SLC9A4: variants seen among roughly 807,000 people sequenced by gnomAD.
SLC9A4 encodes the protein solute carrier family 9 member A4, also known as sodium/hydrogen exchanger 4.
Under a neutral mutation model 67.4 loss-of-function variants are expected in SLC9A4, and 63 were observed. The ratio of observed to expected loss-of-function variants is 0.93; its 90% CI spans 0.76 to 1.15. The LOEUF is 1.15. SLC9A4 is among the 50% of genes most tolerant of loss of function. The pLI is 0.00. For synonymous variants in SLC9A4, 393 were observed against 367.2 expected (o/e 1.07, Z -0.80); for missense variants, 1,089 against 987.7 (o/e 1.10, Z -1.38).
At position 102,526,292 on chromosome 2, in the gene SLC9A4, C is replaced by T. The variant is rs1442266679; in HGVS notation, c.1984C>T (p.Pro662Ser). 5 of 1,613,916 alleles carry T rather than the reference C, an allele frequency of 3.1e-6. No homozygotes were observed. The highest frequency in any genetic ancestry group is 4.2e-6 in the Non-Finnish European group (5 of 1,179,866). ...CAAGAATATCCGCTACCTCTCCTAC[C>T]CCTACGGGAATCCTCAGTCTGCAGG... ...GTKNIRYLSY[P>S]YGNPQSAGRD... Residue 662 changes from proline (P) to serine (S), a missense_variant, in exon 11 of 12, where the codon CCC (proline) becomes TCC (serine). Pro to Ser is a moderately conservative substitution (Grantham distance 74). Coordinates refer to ENST00000295269, the MANE Select transcript of SLC9A4 (RefSeq NM_001011552.4).
chr2:102,530,027 A>G (rs943256016), intron 11 of SLC9A4, among the ~76,000 whole-genome samples: 1 of 152,256 alleles, frequency 6.6e-6, no homozygotes, highest in African/African-American at 2.4e-5. Context: ...GACAATGTGA[A>G]TGCACTTCAT....
chr2:102,475,399 C>CT (rs1558657200), intron 1 of SLC9A4, among the ~76,000 whole-genome samples: 2 of 152,172 alleles, frequency 1.3e-5, no homozygotes, highest in African/African-American at 4.8e-5. Flanking sequence ...ATCTGAGTAC[C>CT]AGGAAACTCG....
Position 102,505,609 on chromosome 2 carries a change from G to C in SLC9A4, c.1198+138G>C. Reference sequence around the variant, plus strand: ...GTTAGGGTAGACTAGGAACCTGGTCGTGAGCAGGAATCTTTTCTGTTTGTT... The same window carrying C: ...GTTAGGGTAGACTAGGAACCTGGTCCTGAGCAGGAATCTTTTCTGTTTGTT... On this transcript the variant is annotated intron_variant, in intron 4 of 11. Transcript: ENST00000295269. 6 of 748,532 alleles carry C rather than the reference G, an allele frequency of 8.0e-6. 1 individual carries two copies. The highest frequency in any genetic ancestry group is 1.1e-5 in the Non-Finnish European group (5 of 472,878). 46.4% of individuals were successfully genotyped at this position (748,532 alleles called of 1,614,324 possible).
intron 10 of SLC9A4, 94 bp from the exon 11 acceptor site, chr2:102,526,165 G>C: frequency 7.5e-7 from 1 of 1,329,618 alleles, no homozygotes; most frequent in Non-Finnish European, 1.1e-6. Flanking sequence ...TGGGATTACA[G>C]GCGTGAGCCA....
At chr2:102,509,719 C>A (rs1685120744) in intron 6 of SLC9A4, among the ~76,000 whole-genome samples, 1 of 152,232 alleles carries the variant, frequency 6.6e-6, no homozygotes, top group Non-Finnish European at 1.5e-5. Flanking sequence ...TGGGTATAAT[C>A]TATTCTGAGG....
chr2:102,504,121 C>T (rs1397862962), intron 3 of SLC9A4, among the ~76,000 whole-genome samples: 4 of 152,206 alleles, frequency 2.6e-5, no homozygotes, highest in Admixed American at 1.3e-4. Flanking sequence ...GGCACGATCT[C>T]GGCTCACTGC....
Position 102,519,893 on chromosome 2 carries a change from C to T in SLC9A4, c.1756C>T (p.Pro586Ser). 6.2e-7 allele frequency: 1 copy of T among 1,613,724 alleles called. No homozygotes were observed. The highest frequency in any genetic ancestry group is 8.5e-7 in the Non-Finnish European group (1 of 1,179,748). Reference sequence around the variant, plus strand: ...GATACAAGGAATCAAAAGACTTTCCCCTGAAGATGTGGAGTCCATAAGGGA... The same window carrying T: ...GATACAAGGAATCAAAAGACTTTCCTCTGAAGATGTGGAGTCCATAAGGGA... ...QRIQGIKRLS[P>S]EDVESIRDIL... The change falls in exon 9 of 12, where the codon CCT (proline) becomes TCT (serine). Residue 586 changes from proline to serine, a missense_variant. Transcript: ENST00000295269.
Position 102,503,698 on chromosome 2 carries a change from G to A in SLC9A4, c.971G>A (p.Gly324Asp), listed in dbSNP as rs1444083829. ...GCTGCTGAAACCCTCTATCTCTCCG[G>A]CATCCTGGCGTGAGTACAAACCAAG... ...YLAAETLYLS[G>D]ILAITACAVT... The change falls in exon 3 of 12, where the codon GGC (glycine) becomes GAC (aspartate). Residue 324 changes from glycine (G) to aspartate (D), a missense_variant. Coordinates refer to ENST00000295269, the MANE Select transcript of SLC9A4 (RefSeq NM_001011552.4). 15 of 1,613,826 alleles carry A rather than the reference G, an allele frequency of 9.3e-6. No individual in the cohort carries two copies. Among genetic ancestry groups the A allele is most frequent in the African/African-American group, 2.7e-5 (2 of 74,856 alleles).
At chr2:102,488,631 C>T (rs1420575343) in intron 2 of SLC9A4, among the ~76,000 whole-genome samples, 9 of 150,618 alleles carry the variant, frequency 6.0e-5, no homozygotes, top group Admixed American at 6.0e-4. Context: ...TCACTGTAAG[C>T]TCTGCCTCCC....
intron 6 of SLC9A4, among the ~76,000 whole-genome samples, chr2:102,509,854 A>G (rs1378706863): frequency 6.6e-6 from 1 of 152,222 alleles, no homozygotes; most frequent in Non-Finnish European, 1.5e-5. Flanking sequence ...CTATGGAGAT[A>G]ATGGAAGAAA....
chr2:102,502,272 A>G (rs1437894332), intron 2 of SLC9A4, among the ~76,000 whole-genome samples: 3 of 152,130 alleles, frequency 2.0e-5, no homozygotes, highest in Non-Finnish European at 2.9e-5. Context: ...TAAAATAGTG[A>G]TAAGTAGATC....
rs774012299 is a variant in SLC9A4, at chr2:102,473,793, T to C, written c.34T>C (p.Trp12Arg). ...GCAGATGTTCGTGACTTACAGTCCTTGGAATTGTTTGCTACTGCTAGTGGC... is the reference window on the plus strand; with the variant it reads ...GCAGATGTTCGTGACTTACAGTCCTCGGAATTGTTTGCTACTGCTAGTGGC... ...ALQMFVTYSP[W>R]NCLLLLVALE... Residue 12 changes from tryptophan to arginine, a missense_variant, in exon 1 of 12, where the codon TGG becomes CGG. Physicochemically the swap from Trp to Arg is moderately radical, Grantham distance 101. Transcript: ENST00000295269. 15 of 1,614,064 alleles carry C rather than the reference T, an allele frequency of 9.3e-6. 1 individual carries two copies. The South Asian group carries it at 1.6e-4, about 18-fold the overall frequency.
At position 102,505,257 on chromosome 2, in the gene SLC9A4, C is replaced by A; in HGVS notation, c.984C>A (p.Ile328=). 6.2e-7 allele frequency: 1 copy of A among 1,613,630 alleles called. No homozygotes were observed. The highest frequency in any genetic ancestry group is 1.1e-5 in the South Asian group (1 of 90,946). Reference sequence around the variant, plus strand: ...TGAGACTCTGCTCCTTTTATAGAATCACAGCCTGCGCAGTAACAATGAAAA... The same window carrying A: ...TGAGACTCTGCTCCTTTTATAGAATAACAGCCTGCGCAGTAACAATGAAAA... ...ETLYLSGILA[I]TACAVTMKKY... Residue 328 remains isoleucine (I), a synonymous_variant, in exon 4 of 12, where the codon ATC becomes ATA. Coordinates refer to ENST00000295269, the MANE Select transcript of SLC9A4 (RefSeq NM_001011552.4).
intron 2 of SLC9A4, among the ~76,000 whole-genome samples, chr2:102,499,895 A>G (rs1192194785): frequency 2.0e-5 from 3 of 152,228 alleles, no homozygotes; most frequent in African/African-American, 7.2e-5. Context: ...AAGACCTTGT[A>G]AAATTCAAAA....
chr2:102,503,409 A>C, intron 2 of SLC9A4, 39 bp from the exon 3 acceptor site: 7 of 1,491,482 alleles, frequency 4.7e-6, no homozygotes, highest in Non-Finnish European at 6.3e-6. Context: ...CCTAGTTTCT[A>C]TTCATAATTC....
At chr2:102,488,205 C>T (rs1684626813) in intron 2 of SLC9A4, among the ~76,000 whole-genome samples, 1 of 152,136 alleles carries the variant, frequency 6.6e-6, no homozygotes, top group Non-Finnish European at 1.5e-5. Flanking sequence ...TTCATGCATC[C>T]TTAAGGGTCT....
chr2:102,493,226 T>C (rs2104424552), intron 2 of SLC9A4, among the ~76,000 whole-genome samples: 1 of 149,508 alleles, frequency 6.7e-6, no homozygotes, highest in East Asian at 1.9e-4. Flanking sequence ...ATTCTGCCTG[T>C]TACCCAGTTC....
At chr2:102,476,211 G>A (rs1167946973) in intron 1 of SLC9A4, among the ~76,000 whole-genome samples, 1 of 152,228 alleles carries the variant, frequency 6.6e-6, no homozygotes, top group Non-Finnish European at 1.5e-5. Flanking sequence ...CTCAGACTTT[G>A]TGGTTTATCT....
Position 102,503,611 on chromosome 2 carries a change from C to T in SLC9A4, c.884C>T (p.Thr295Ile). The T allele has an allele frequency of 6.2e-7, 1 of 1,614,168 alleles. No homozygotes were observed. ...ATTTCTGCATTTATCACACGTTTCA[C>T]TCAGAATATCTCTGCAATTGAGCCA... The part of the protein sequence containing the change: ...GFISAFITRF[T>I]QNISAIEPLI... The change falls in exon 3 of 12, where the codon ACT (threonine) becomes ATT (isoleucine). Residue 295 changes from threonine to isoleucine, a missense_variant. By Grantham distance (89) the Thr-to-Ile change is moderately conservative (BLOSUM62 -1). Coordinates refer to ENST00000295269, the MANE Select transcript of SLC9A4 (RefSeq NM_001011552.4).
Sources: allele counts gnomAD v4.1 joint callset (sites outside exome capture counted in the v4.1 genomes callset), GRCh38; gene constraint gnomAD v4.1.1; transcripts MANE v1.5; gene names NCBI Gene and HGNC (gene_info 2026-07-23, HGNC 2026-07-21).